PRMT1: variants seen among roughly 807,000 people sequenced by gnomAD.
PRMT1 encodes protein arginine methyltransferase 1, also known as protein arginine N-methyltransferase 1.
Under a neutral mutation model 47.4 loss-of-function variants are expected in PRMT1, and 5 were observed. That is an observed-to-expected ratio of 0.11 (90% CI 0.06 to 0.22). PRMT1 has a LOEUF of 0.22. PRMT1 is among the 10% of genes least tolerant of loss of function. The pLI, the probability that PRMT1 is intolerant of heterozygous loss-of-function variation, is 1.00. For synonymous variants in PRMT1, 227 were observed against 204.6 expected, an observed-to-expected ratio of 1.11 and a Z score of -0.94; for missense variants, 249 against 518.4, an observed-to-expected ratio of 0.48 and a Z score of 5.05.
At chr19:49,683,817 C>T (rs995892469) in intron 5 of PRMT1, 110 bp from the exon 6 acceptor site, 8 of 1,217,076 alleles carry the variant, frequency 6.6e-6, no homozygotes, top group South Asian at 1.4e-5. Context: ...GGCTTCTGCT[C>T]ACGCAGTTCT....
At chr19:49,683,130 G>A (rs1478054222) in intron 5 of PRMT1, among the ~76,000 whole-genome samples, 1 of 150,898 alleles carries the variant, frequency 6.6e-6, no homozygotes, top group South Asian at 2.1e-4. Flanking sequence ...TGTTGGCCAG[G>A]CTGGTCTTGA....
rs540863918 is a variant in PRMT1, at chr19:49,681,607, G to A, written c.193-303G>A. ...ACAAAAATTAGCCGGGCATGGTGGT[G>A]TGCACCTATAATCTCAGCTACTTGG... On this transcript the variant is annotated intron_variant, in intron 3 of 10. Transcript: ENST00000454376. The surrounding 1 kb of genome is among the most constrained non-coding windows in gnomAD (Gnocchi z 4.4). Among the ~76,000 whole-genome samples the A allele has an allele frequency of 2.0e-5, 3 of 152,188 alleles. No homozygotes were observed. The highest frequency in any genetic ancestry group is 7.2e-5 in the African/African-American group (3 of 41,548).
At chr19:49,677,807 G>A (rs1450323726) in intron 1 of PRMT1, among the ~76,000 whole-genome samples, 1 of 152,150 alleles carries the variant, frequency 6.6e-6, no homozygotes, top group Non-Finnish European at 1.5e-5. Flanking sequence ...GAGTCTCTTG[G>A]GAGGAGCAGT....
In PRMT1 at chr19:49,680,592, A is replaced by G; in HGVS notation, c.192+4A>G. 6.2e-7 allele frequency: 1 copy of G among 1,602,486 alleles called. No individual in the cohort carries two copies. Among genetic ancestry groups the G allele is most frequent in the East Asian group, 2.2e-5 (1 of 44,808 alleles). ...CGCACACTTTGGCATCCACGAGGTC[A>G]GTGGGGACAGTCCCCAAGGCCCCAA... is the stretch of plus-strand genomic sequence containing the variant. On this transcript the variant is annotated splice_donor_region_variant and intron_variant, in intron 3 of 10. Coordinates refer to ENST00000454376, the MANE Select transcript of PRMT1 (RefSeq NM_001536.6). The surrounding 1 kb of genome is among the most constrained non-coding windows in gnomAD (Gnocchi z 4.2).
At chr19:49,687,489 A>C (rs761998044) in intron 10 of PRMT1, among the ~76,000 whole-genome samples, 3 of 151,842 alleles carry the variant, frequency 2.0e-5, no homozygotes, top group Admixed American at 6.6e-5. Flanking sequence ...TCAACTGGGC[A>C]GTTTTACTGC....
intron 5 of PRMT1, among the ~76,000 whole-genome samples, chr19:49,682,967 T>C (rs529472814): frequency 1.4e-4 from 21 of 151,956 alleles, no homozygotes; most frequent in Non-Finnish European, 2.6e-4. Flanking sequence ...TTTGTTTTTT[T>C]AGTAGAGACG....
rs2082167970 is a variant in PRMT1 at position 49,684,124 on chromosome 19, A to G, written c.555+55A>G. 1.9e-6 allele frequency: 3 copies of G among 1,601,422 alleles called. No homozygotes were observed. The highest frequency in any genetic ancestry group is 1.7e-5 in the Admixed American group (1 of 59,406). On this transcript the variant is annotated intron_variant, in intron 6 of 10. Transcript: ENST00000454376. The surrounding 1 kb of genome is among the most constrained non-coding windows in gnomAD (Gnocchi z 6.2). ...GCGTGGGCTGGGGTCCAGGTAGAAGACGAAAACCACGCTCAATTTTTCCCA... is the reference window on the plus strand; with the variant it reads ...GCGTGGGCTGGGGTCCAGGTAGAAGGCGAAAACCACGCTCAATTTTTCCCA...
chr19:49,682,287 G>A (rs1334986072), intron 5 of PRMT1, 28 bp downstream of exon 5: 2 of 1,607,194 alleles, frequency 1.2e-6, no homozygotes, highest in African/African-American at 1.3e-5. Context: ...ATGGGTTTGT[G>A]GGAGTGGAGG....
Position 49,686,219 on chromosome 19 carries a change from C to T in PRMT1, c.886C>T (p.His296Tyr), listed in dbSNP as rs2082201890. 1 of 1,608,802 alleles carries T rather than the reference C, an allele frequency of 6.2e-7. No individual in the cohort carries two copies. Among genetic ancestry groups the T allele is most frequent in the Non-Finnish European group, 8.5e-7 (1 of 1,177,572 alleles). The change falls in exon 9 of 11, where the codon CAC (histidine) becomes TAC (tyrosine). Residue 296 changes from histidine (H) to tyrosine (Y), a missense_variant. Transcript: ENST00000454376. ...CTTCAACATCGAGTTCACACGCTGCCACAAGAGGACCGGCTTCTCCACCAG... is the reference window on the plus strand; with the variant it reads ...CTTCAACATCGAGTTCACACGCTGCTACAAGAGGACCGGCTTCTCCACCAG... ...AYFNIEFTRC[H>Y]KRTGFSTSPE...
In PRMT1 at chr19:49,680,726, C is replaced by CCG; in HGVS notation, c.192+138_192+139insCG. On this transcript the variant is annotated intron_variant, in intron 3 of 10. Transcript: ENST00000454376. This position sits in a 1 kb window ranked among gnomAD's most constrained non-coding sequence, Gnocchi z 4.2. The stretch of plus-strand genomic sequence containing the variant: ...CCCCTGCCCCTCTGCTGCGCACTTC[C>CCG]TAGGGTCGCCTCGCCAAGCCGTTGC... The CCG allele has an allele frequency of 2.1e-5, 14 of 679,192 alleles. No homozygotes were observed. Among genetic ancestry groups the CCG allele is most frequent in the South Asian group, 1.7e-5 (1 of 58,632 alleles). The allele number at this position is 679,192 out of a possible 1,614,324, so 42.1% of individuals were successfully genotyped here. A position where few individuals can be genotyped will look rare whatever the true frequency, so the allele number is the denominator to read the frequency against.
At chr19:49,679,484 T>C in intron 1 of PRMT1, 2 of 507,216 alleles carry the variant, frequency 3.9e-6, no homozygotes, top group South Asian at 3.1e-5. Flanking sequence ...CACCCTAGGA[T>C]AGGGGTGTGT....
Position 49,687,765 on chromosome 19 carries a change from G to T in PRMT1, c.1033-397G>T, listed in dbSNP as rs556153833. ...CTCATCTTCATGTGCTGGAGGGTAT[G>T]GGGGGAGGAGAGGAAGTGGAGACAG... On this transcript the variant is annotated intron_variant, in intron 10 of 10. Transcript: ENST00000454376. The T allele has an allele frequency of 2.1e-5, 6 of 280,960 alleles. No individual in the cohort carries two copies. The East Asian group carries it at 3.1e-4, about 14-fold the overall frequency. The allele number at this position is 280,960 out of a possible 1,614,324, so 17.4% of individuals were successfully genotyped here.
At position 49,684,189 on chromosome 19, in the gene PRMT1, A is replaced by G. The variant is rs2068512606; in HGVS notation, c.555+120A>G. On this transcript the variant is annotated intron_variant, in intron 6 of 10. Transcript: ENST00000454376. This position sits in a 1 kb window ranked among gnomAD's most constrained non-coding sequence, Gnocchi z 6.2. ...TGTGGGGGCTTAGCTGCAAGGTGTT[A>G]GAAAGCCACAGCCCAAGCCAGGTGT... is the stretch of plus-strand genomic sequence containing the variant. The G allele has an allele frequency of 2.2e-6, 3 of 1,376,284 alleles. No individual in the cohort carries two copies. The highest frequency in any genetic ancestry group is 1.4e-5 in the African/African-American group (1 of 70,294). 85.3% of individuals were successfully genotyped at this position (1,376,284 alleles called of 1,614,324 possible).
At chr19:49,682,708 C>T (rs554823821) in intron 5 of PRMT1, among the ~76,000 whole-genome samples, 11 of 151,584 alleles carry the variant, frequency 7.3e-5, no homozygotes, top group South Asian at 2.1e-4. Flanking sequence ...CTTGTCATGT[C>T]GTTTAACACT....
chr19:49,685,783 C>T lies in PRMT1; in HGVS notation c.760-310C>T, dbSNP rs1242488504. On this transcript the variant is annotated intron_variant, in intron 8 of 10. Transcript: ENST00000454376. The surrounding 1 kb of genome is among the most constrained non-coding windows in gnomAD (Gnocchi z 4.7). ...GAAGCCATCATGTTGTTGGACTTGT[C>T]AAGGGGTTGGGGAGACAGTGGAGTG... The T allele has an allele frequency of 8.5e-7, 1 of 1,172,804 alleles. No homozygotes were observed. The highest frequency in any genetic ancestry group is 4.9e-5 in the East Asian group (1 of 20,590). 72.6% of individuals were successfully genotyped at this position (1,172,804 alleles called of 1,614,324 possible). A position where few individuals can be genotyped will look rare whatever the true frequency, so the allele number is the denominator to read the frequency against.
Position 49,685,125 on chromosome 19 carries a change from G to C in PRMT1, c.759+88G>C. 1 of 1,586,168 alleles carries C rather than the reference G, an allele frequency of 6.3e-7. No individual in the cohort carries two copies. The highest frequency in any genetic ancestry group is 8.6e-7 in the Non-Finnish European group (1 of 1,166,194). On this transcript the variant is annotated intron_variant, in intron 8 of 10. Transcript: ENST00000454376. The surrounding 1 kb of genome is among the most constrained non-coding windows in gnomAD (Gnocchi z 4.7). Reference sequence around the variant, plus strand: ...CCCTGGCATGGGACTTTGGGGCCCAGAATGTTGGCCTGAGGTCTCAGAGCC... The same window carrying C: ...CCCTGGCATGGGACTTTGGGGCCCACAATGTTGGCCTGAGGTCTCAGAGCC...
intron 1 of PRMT1, among the ~76,000 whole-genome samples, chr19:49,678,617 A>C (rs903275705): frequency 1.3e-5 from 2 of 152,018 alleles, no homozygotes; most frequent in African/African-American, 4.8e-5. Context: ...CATCTGGAAG[A>C]GATGTAATCT....
chr19:49,680,432 A>G lies in PRMT1; in HGVS notation c.91-55A>G. Reference sequence around the variant, plus strand: ...GGAAAAGTAGGGCGCTGGAGGTTTAAGAGGCTGTGGGGAGCCCCCAGATCT... The same window carrying G: ...GGAAAAGTAGGGCGCTGGAGGTTTAGGAGGCTGTGGGGAGCCCCCAGATCT... On this transcript the variant is annotated intron_variant, in intron 2 of 10. Coordinates refer to ENST00000454376, the MANE Select transcript of PRMT1 (RefSeq NM_001536.6). This position sits in a 1 kb window ranked among gnomAD's most constrained non-coding sequence, Gnocchi z 4.2. 7.0e-7 allele frequency: 1 copy of G among 1,426,288 alleles called. No individual in the cohort carries two copies. The highest frequency in any genetic ancestry group is 1.7e-5 in the Admixed American group (1 of 59,538). 88.4% of individuals were successfully genotyped at this position (1,426,288 alleles called of 1,614,324 possible). A position where few individuals can be genotyped will look rare whatever the true frequency, so the allele number is the denominator to read the frequency against.
chr19:49,688,312 C>A lies in PRMT1; in HGVS notation c.*67C>A, dbSNP rs924082750. 1 of 1,489,576 alleles carries A rather than the reference C, an allele frequency of 6.7e-7. No individual in the cohort carries two copies. Among genetic ancestry groups the A allele is most frequent in the South Asian group, 1.1e-5 (1 of 88,646 alleles). 92.3% of individuals were successfully genotyped at this position (1,489,576 alleles called of 1,614,324 possible). A position where few individuals can be genotyped will look rare whatever the true frequency, so the allele number is the denominator to read the frequency against. On this transcript the variant is annotated 3_prime_UTR_variant, in exon 11 of 11. Transcript: ENST00000454376. This position sits in a 1 kb window ranked among gnomAD's most constrained non-coding sequence, Gnocchi z 5.3. ...TTCCTAGGCGGTTTCGGGGCTCCCC[C>A]TTCCTCTCCCTCCCTCCCGCAGAAG...
Sources: allele counts gnomAD v4.1 joint callset (sites outside exome capture counted in the v4.1 genomes callset), GRCh38; gene constraint gnomAD v4.1.1; non-coding constraint Gnocchi (gnomAD v3.1); transcripts MANE v1.5; gene names NCBI Gene and HGNC (gene_info 2026-07-23, HGNC 2026-07-21).